The following ERC2 variants were observed in gnomAD, a reference collection of about 807,000 sequenced individuals.
ERC2 encodes the protein ELKS/RAB6-interacting/CAST family member 2.
A neutral mutation model predicts 114.8 loss-of-function variants in ERC2; 42 were observed. The observed-to-expected ratio is 0.37, with a 90% CI of 0.29 to 0.47. ERC2 has a LOEUF of 0.47. ERC2 is among the 20% of genes least tolerant of loss of function. ERC2 has a pLI of 0.99. For missense variants in ERC2, 939 were observed against 1,150.7 expected, an observed-to-expected ratio of 0.82 and a Z score of 2.66; for synonymous variants, 454 against 425.5, an observed-to-expected ratio of 1.07 and a Z score of -0.82.
intron 3 of ERC2, among the ~76,000 whole-genome samples, chr3:56,181,220 T>C (rs2083270380): frequency 6.6e-6 from 1 of 152,220 alleles, no homozygotes; most frequent in African/African-American, 2.4e-5. Context: ...GTATCTTAAA[T>C]GCGCAATAAT....
chr3:56,219,203 G>A (rs1224450940), intron 3 of ERC2, among the ~76,000 whole-genome samples: 2 of 152,058 alleles, frequency 1.3e-5, no homozygotes, highest in African/African-American at 2.4e-5. Flanking sequence ...GGTGATGGAT[G>A]CACCAGAATC....
At chr3:56,235,362 T>C (rs779168261) in intron 3 of ERC2, among the ~76,000 whole-genome samples, 20 of 152,230 alleles carry the variant, frequency 1.3e-4, no homozygotes, top group Non-Finnish European at 2.2e-4. Flanking sequence ...ACTTGCCATG[T>C]AGAACTCAGA....
intron 14 of ERC2, among the ~76,000 whole-genome samples, chr3:55,839,411 T>A (rs2061034023): frequency 6.6e-6 from 1 of 151,862 alleles, no homozygotes; most frequent in South Asian, 2.1e-4. Flanking sequence ...ACCAAAAATA[T>A]TAACTACATG....
intron 17 of ERC2, among the ~76,000 whole-genome samples, chr3:55,648,744 T>G (rs1014155983): frequency 2.0e-5 from 3 of 152,202 alleles, no homozygotes; most frequent in African/African-American, 4.8e-5. Context: ...GAGACATGGC[T>G]GCCGAGGACT....
Position 56,176,360 on chromosome 3 carries a change from G to A in ERC2, c.1075-2840C>T, listed in dbSNP as rs1274438031. Among the ~76,000 whole-genome samples, 3 of 152,244 alleles carry A rather than the reference G, an allele frequency of 2.0e-5. 1 individual carries two copies. Among genetic ancestry groups the A allele is most frequent in the East Asian group, 3.9e-4 (2 of 5,174 alleles). ...AAAATAAAAACCATAGGTAAAGGCAGGTGCTGTTGTAATTTCTGCCAAACA... is the reference window on the plus strand; with the variant it reads ...AAAATAAAAACCATAGGTAAAGGCAAGTGCTGTTGTAATTTCTGCCAAACA... On this transcript the variant is annotated intron_variant, in intron 3 of 17. Coordinates refer to ENST00000288221, the MANE Select transcript of ERC2 (RefSeq NM_015576.3).
intron 14 of ERC2, among the ~76,000 whole-genome samples, chr3:55,743,703 C>T (rs2066127216): frequency 6.6e-6 from 1 of 151,478 alleles, no homozygotes; most frequent in South Asian, 2.1e-4. Flanking sequence ...AAATATTACT[C>T]AAGTTTTTAA....
chr3:56,217,557 T>C (rs2049575736), intron 3 of ERC2, among the ~76,000 whole-genome samples: 1 of 152,102 alleles, frequency 6.6e-6, no homozygotes, highest in Non-Finnish European at 1.5e-5. Flanking sequence ...AAAATGGCCA[T>C]ACTGCCCAAG....
At chr3:56,191,676 C>T (rs1338538431) in intron 3 of ERC2, among the ~76,000 whole-genome samples, 2 of 152,056 alleles carry the variant, frequency 1.3e-5, no homozygotes, top group Non-Finnish European at 2.9e-5. Context: ...AGATGTTGCA[C>T]ATCACCCTCC....
At chr3:55,583,375 TTTCCTTCTTTCTTTCCTTCCTTCTTTCC>T (rs2057361555) in intron 17 of ERC2, among the ~76,000 whole-genome samples, 3 of 135,118 alleles carry the variant, frequency 2.2e-5, no homozygotes, top group South Asian at 2.6e-4. Flanking sequence ...GCCTGCCTTC[TTTCCTTCTTTCTTTCCTTCCTTCTTTCC>T]TTCCTTCCTT....
chr3:56,023,066 T>C (rs1354399504), intron 7 of ERC2, among the ~76,000 whole-genome samples: 1 of 152,164 alleles, frequency 6.6e-6, no homozygotes, highest in Non-Finnish European at 1.5e-5. Context: ...AACTCTGGGC[T>C]TGCAAAGCCT....
chr3:56,346,173 AAGG>A (rs2150509269), intron 2 of ERC2, among the ~76,000 whole-genome samples: 1 of 152,200 alleles, frequency 6.6e-6, no homozygotes, highest in Admixed American at 6.5e-5. Flanking sequence ...TTTGAATAAA[AAGG>A]ACACGCTATA....
At chr3:56,111,429 T>G (rs2078962343) in intron 6 of ERC2, among the ~76,000 whole-genome samples, 1 of 151,490 alleles carries the variant, frequency 6.6e-6, no homozygotes, top group African/African-American at 2.4e-5. Context: ...CCCCTCTCTC[T>G]CACCAGCTCC....
chr3:55,858,542 T>C (rs1379156573), intron 14 of ERC2, among the ~76,000 whole-genome samples: 1 of 152,198 alleles, frequency 6.6e-6, no homozygotes, highest in Non-Finnish European at 1.5e-5. Flanking sequence ...AAACAGAAGA[T>C]AGGTATCACA....
At chr3:56,263,869 C>G (rs1043332097) in intron 3 of ERC2, among the ~76,000 whole-genome samples, 6 of 152,018 alleles carry the variant, frequency 3.9e-5, no homozygotes, top group South Asian at 2.1e-4. Context: ...AAAGTATAGG[C>G]CAATATCTCT....
intron 3 of ERC2, among the ~76,000 whole-genome samples, chr3:56,225,416 T>C (rs974763135): frequency 2.6e-5 from 4 of 152,158 alleles, no homozygotes; most frequent in African/African-American, 9.7e-5. Context: ...GCGCAGACAA[T>C]AATGTCACTG....
chr3:55,681,168 T>C (rs2077908490), intron 17 of ERC2, among the ~76,000 whole-genome samples: 2 of 152,184 alleles, frequency 1.3e-5, no homozygotes, highest in African/African-American at 2.4e-5. Flanking sequence ...ATGACCATAG[T>C]GAGACAAATA....
intron 3 of ERC2, among the ~76,000 whole-genome samples, chr3:56,181,151 AAC>A (rs1403253353): frequency 6.6e-6 from 1 of 152,232 alleles, no homozygotes; most frequent in Non-Finnish European, 1.5e-5. Flanking sequence ...TTCCATTACA[AAC>A]AGTGTTTCAA....
chr3:56,304,653 AGGT>A lies in ERC2; in HGVS notation c.658-8221_658-8219del, dbSNP rs1442820259. ...AGTGGAATACAGGGATATATTAAAA[AGGT>A]AATACATCATGCCCAAGATGTGTTT... On this transcript the variant is annotated intron_variant, in intron 2 of 17. Transcript: ENST00000288221. Among the ~76,000 whole-genome samples, 11 of 152,344 alleles carry A rather than the reference AGGT, an allele frequency of 7.2e-5. No homozygotes were observed. In the East Asian group the frequency reaches 2.1e-3, roughly 29 times the overall value.
intron 7 of ERC2, among the ~76,000 whole-genome samples, chr3:56,072,691 G>T (rs904389861): frequency 2.0e-5 from 3 of 152,022 alleles, no homozygotes; most frequent in Admixed American, 6.6e-5. Flanking sequence ...CAACCCAAAA[G>T]GTTGATAAAA....
Sources: gnomAD v4.1 joint callset for allele counts (sites outside exome capture counted in the v4.1 genomes callset) on GRCh38, gnomAD v4.1.1 for gene constraint, MANE v1.5 for transcripts, NCBI Gene and HGNC (gene_info 2026-07-23, HGNC 2026-07-21) for gene names.